The following ANGPT1 variants were observed in gnomAD, a reference collection of about 807,000 sequenced individuals.
ANGPT1 encodes angiopoietin 1.
ANGPT1 carries 17 observed loss-of-function variants against 62.2 expected under a neutral mutation model. The ratio of observed to expected loss-of-function variants is 0.27; its 90% confidence interval spans 0.19 to 0.41. The LOEUF (loss-of-function observed/expected upper bound fraction) is 0.41, where lower values mean the gene tolerates loss of function less well. Ranked by LOEUF, ANGPT1 falls within the 10% of genes least tolerant of loss-of-function variation. The pLI is 1.00. For missense variants in ANGPT1, 478 were observed against 594.9 expected, an observed-to-expected ratio of 0.80 and a Z score of 2.04; for synonymous variants, 199 against 198.9, an observed-to-expected ratio of 1.00 and a Z score of 0.00.
At position 107,328,223 on chromosome 8, in the gene ANGPT1, G is replaced by C. The variant is rs138745833; in HGVS notation, c.576-6095C>G. Among the ~76,000 whole-genome samples the C allele has an allele frequency of 1.2e-4, 18 of 152,068 alleles. No homozygotes were observed. The East Asian group carries it at 3.5e-3, about 29-fold the overall frequency. On this transcript the variant is annotated intron_variant, in intron 3 of 8. Coordinates refer to ENST00000517746, the MANE Select transcript of ANGPT1 (RefSeq NM_001146.5). Reference sequence around the variant, plus strand: ...GGTGTCAACATGTGTTGCAAATATGGGTTTGTAAAGAGTAATTTTTCTCCC... The same window carrying C: ...GGTGTCAACATGTGTTGCAAATATGCGTTTGTAAAGAGTAATTTTTCTCCC...
intron 1 of ANGPT1, among the ~76,000 whole-genome samples, chr8:107,398,202 T>C (rs1054693236): frequency 3.3e-5 from 5 of 152,202 alleles, no homozygotes; most frequent in African/African-American, 4.8e-5. Flanking sequence ...ACAAATTTTG[T>C]TCTTATTTTA....
chr8:107,425,698 G>A (rs572626447), intron 1 of ANGPT1, among the ~76,000 whole-genome samples: 3 of 152,234 alleles, frequency 2.0e-5, no homozygotes, highest in Admixed American at 2.0e-4. Context: ...CTTCTCTTTT[G>A]GATCTGGAAA....
intron 3 of ANGPT1, among the ~76,000 whole-genome samples, chr8:107,330,401 T>C (rs1815393015): frequency 6.6e-6 from 1 of 152,184 alleles, no homozygotes; most frequent in Non-Finnish European, 1.5e-5. Context: ...GCTCATGCTC[T>C]TAACTATTAG....
rs143696955 is a variant in ANGPT1, at chr8:107,249,849, G to A, written c.*2006C>T. The A allele has an allele frequency of 1.4e-4, 21 of 152,540 alleles. No individual in the cohort carries two copies. Among genetic ancestry groups the A allele is most frequent in the African/African-American group, 4.6e-4 (19 of 41,544 alleles). The allele number at this position is 152,540 out of a possible 1,614,324, so 9.4% of individuals were successfully genotyped here. The stretch of plus-strand genomic sequence containing the variant: ...CAAAAACTGGTTTAAGAAAGTGTCT[G>A]TAGGAACACAAAAGGACAAAATACT... On this transcript the variant is annotated 3_prime_UTR_variant, in exon 9 of 9. Transcript: ENST00000517746.
At chr8:107,285,251 G>C (rs1814111564) in intron 6 of ANGPT1, among the ~76,000 whole-genome samples, 1 of 152,060 alleles carries the variant, frequency 6.6e-6, no homozygotes, top group Non-Finnish European at 1.5e-5. Context: ...TATTAGACAA[G>C]TTATTTAACA....
intron 1 of ANGPT1, among the ~76,000 whole-genome samples, chr8:107,459,861 A>T (rs993359768): frequency 5.9e-5 from 9 of 152,152 alleles, no homozygotes. Context: ...ATTTAAATTG[A>T]CTCAAAAACT....
At chr8:107,392,871 G>A (rs1056025437) in intron 1 of ANGPT1, among the ~76,000 whole-genome samples, 3 of 152,058 alleles carry the variant, frequency 2.0e-5, no homozygotes, top group East Asian at 1.9e-4. Context: ...GAATTGAAAC[G>A]CCACCTTTGC....
At chr8:107,387,190 G>A (rs1427681453) in intron 1 of ANGPT1, among the ~76,000 whole-genome samples, 4 of 152,112 alleles carry the variant, frequency 2.6e-5, no homozygotes, top group Admixed American at 2.6e-4. Context: ...CAAAGTGGTA[G>A]AAGACAGAGA....
Position 107,393,789 on chromosome 8 carries a change from G to A in ANGPT1, c.298-46692C>T, listed in dbSNP as rs567500796. ...TGCACCACTGCACTCCAGCCTGGGCGGCTGGACGAGACTCCATCTCAAAAC... is the reference window on the plus strand; with the variant it reads ...TGCACCACTGCACTCCAGCCTGGGCAGCTGGACGAGACTCCATCTCAAAAC... On this transcript the variant is annotated intron_variant, in intron 1 of 8. Coordinates refer to ENST00000517746, the MANE Select transcript of ANGPT1 (RefSeq NM_001146.5). Among the ~76,000 whole-genome samples the A allele has an allele frequency of 3.9e-5, 6 of 152,214 alleles. No individual in the cohort carries two copies. The East Asian group carries it at 7.7e-4, about 20-fold the overall frequency.
chr8:107,439,325 A>C (rs1243398440), intron 1 of ANGPT1, among the ~76,000 whole-genome samples: 1 of 152,222 alleles, frequency 6.6e-6, no homozygotes, highest in Non-Finnish European at 1.5e-5. Context: ...TAAAACGGAG[A>C]TAATAACTGT....
chr8:107,260,407 A>T (rs1047328938), intron 8 of ANGPT1, among the ~76,000 whole-genome samples: 3 of 152,174 alleles, frequency 2.0e-5, no homozygotes, highest in African/African-American at 7.2e-5. Context: ...CTAGCTCCAA[A>T]GAGTATGAAG....
intron 1 of ANGPT1, among the ~76,000 whole-genome samples, chr8:107,370,187 GAAAGAAAA>G (rs199550732): frequency 0.21 from 23,485 of 111,482 alleles, 2,788 homozygotes; most frequent in Middle Eastern, 0.34. Context: ...AAGAAAGAAA[GAAAGAAAA>G]AAAGAAAGAA....
At chr8:107,374,335 T>A (rs1207831588) in intron 1 of ANGPT1, among the ~76,000 whole-genome samples, 1 of 152,240 alleles carries the variant, frequency 6.6e-6, no homozygotes, top group Non-Finnish European at 1.5e-5. Flanking sequence ...GTATAATATT[T>A]ACATTTAATT....
At chr8:107,360,326 G>A (rs992515545) in intron 1 of ANGPT1, among the ~76,000 whole-genome samples, 3 of 152,106 alleles carry the variant, frequency 2.0e-5, no homozygotes, top group Non-Finnish European at 4.4e-5. Context: ...CTTTGAAATA[G>A]GTATGGTTAC....
intron 1 of ANGPT1, among the ~76,000 whole-genome samples, chr8:107,469,220 T>C (rs1812283753): frequency 1.3e-5 from 2 of 152,050 alleles, no homozygotes; most frequent in South Asian, 4.1e-4. Flanking sequence ...ACATTTTTAG[T>C]ACCTGAAGAG....
intron 1 of ANGPT1, among the ~76,000 whole-genome samples, chr8:107,443,561 C>T (rs2130436551): frequency 6.6e-6 from 1 of 151,770 alleles, no homozygotes; most frequent in East Asian, 1.9e-4. Flanking sequence ...GTAATCCCAG[C>T]ACTTTGGGAG....
chr8:107,430,170 T>A (rs1811144688), intron 1 of ANGPT1, among the ~76,000 whole-genome samples: 1 of 152,232 alleles, frequency 6.6e-6, no homozygotes, highest in Admixed American at 6.5e-5. Context: ...GCATTTTAAC[T>A]CCTAAGGTAA....
chr8:107,429,869 T>C (rs1158914151), intron 1 of ANGPT1, among the ~76,000 whole-genome samples: 3 of 123,306 alleles, frequency 2.4e-5, no homozygotes, highest in Non-Finnish European at 5.6e-5. Context: ...AATGATGGTT[T>C]ATTGTGATTA....
At chr8:107,401,746 C>T (rs935965770) in intron 1 of ANGPT1, among the ~76,000 whole-genome samples, 1 of 152,132 alleles carries the variant, frequency 6.6e-6, no homozygotes, top group African/African-American at 2.4e-5. Context: ...ACACATAACA[C>T]TGCAACAAAC....
Sources: gnomAD v4.1 joint callset for allele counts (sites outside exome capture counted in the v4.1 genomes callset) on GRCh38, gnomAD v4.1.1 for gene constraint, MANE v1.5 for transcripts, NCBI Gene and HGNC (gene_info 2026-07-23, HGNC 2026-07-21) for gene names.